Variants in NEK7 observed in about 807,000 individuals in gnomAD.
NEK7 encodes NIMA related kinase 7, also known as serine/threonine-protein kinase Nek7.
In NEK7, 18 loss-of-function variants were observed where a neutral mutation model predicts 44.6. The ratio of observed to expected loss-of-function variants is 0.40; its 90% CI spans 0.28 to 0.60. The LOEUF (loss-of-function observed/expected upper bound fraction) is 0.60. NEK7 is among the 20% of genes least tolerant of loss of function. The pLI is 0.38. For synonymous variants in NEK7, 130 were observed against 121.1 expected (o/e 1.07, Z -0.48); for missense variants, 256 against 366.5 (o/e 0.70, Z 2.46).
chr1:198,197,483 G>A (rs1287791694), intron 1 of NEK7, among the ~76,000 whole-genome samples: 2 of 152,178 alleles, frequency 1.3e-5, no homozygotes, highest in Non-Finnish European at 2.9e-5. Context: ...TAAGTGTACA[G>A]CTCAGCAATT....
At chr1:198,231,336 T>TATATATATAA (rs1445188102) in intron 1 of NEK7, among the ~76,000 whole-genome samples, 4 of 132,850 alleles carry the variant, frequency 3.0e-5, no homozygotes, top group African/African-American at 8.7e-5. Context: ...TATATATATA[T>TATATATATAA]AAAAACACAT....
chr1:198,249,605 A>T (rs1005115869), intron 2 of NEK7, among the ~76,000 whole-genome samples: 15 of 152,044 alleles, frequency 9.9e-5, no homozygotes, highest in Middle Eastern at 3.4e-3. Flanking sequence ...GGTATCTCAT[A>T]GTGGTTTTGA....
intron 5 of NEK7, among the ~76,000 whole-genome samples, chr1:198,264,782 G>T (rs1173590169): frequency 2.0e-5 from 3 of 151,664 alleles, no homozygotes; most frequent in Non-Finnish European, 2.9e-5. Flanking sequence ...AAGTTCAGCT[G>T]CAATTAATAG....
chr1:198,252,605 ATATT>A (rs1290982988), intron 2 of NEK7, among the ~76,000 whole-genome samples: 28 of 134,440 alleles, frequency 2.1e-4, no homozygotes, highest in Non-Finnish European at 1.1e-4. Context: ...GTATGTTTAT[ATATT>A]TATTAAAACA....
chr1:198,159,017 T>C (rs1401594892), intron 1 of NEK7, among the ~76,000 whole-genome samples: 1 of 151,960 alleles, frequency 6.6e-6, no homozygotes, highest in Non-Finnish European at 1.5e-5. Context: ...AGTTGCCTTC[T>C]CGGGGCCGGT....
chr1:198,314,979 C>T (rs931436326), intron 9 of NEK7, among the ~76,000 whole-genome samples: 1 of 152,372 alleles, frequency 6.6e-6, no homozygotes, highest in African/African-American at 2.4e-5. Context: ...TGCTTCCCGG[C>T]TGCTTTGTTT....
At chr1:198,188,407 A>T (rs1664979760) in intron 1 of NEK7, among the ~76,000 whole-genome samples, 1 of 152,156 alleles carries the variant, frequency 6.6e-6, no homozygotes, top group African/African-American at 2.4e-5. Context: ...AGTTCAGTGG[A>T]GAGAAGTGAT....
chr1:198,169,190 T>TAA (rs1390329447), intron 1 of NEK7, among the ~76,000 whole-genome samples: 1 of 152,220 alleles, frequency 6.6e-6, no homozygotes, highest in Admixed American at 6.5e-5. Flanking sequence ...TGCACAGTAG[T>TAA]AACTCCTTCA....
At chr1:198,252,668 TAAAACATATGTATGTTTATG>T (rs1170025647) in intron 2 of NEK7, among the ~76,000 whole-genome samples, 58 of 131,910 alleles carry the variant, frequency 4.4e-4, no homozygotes, top group South Asian at 7.6e-4. Flanking sequence ...GTTTATATAT[TAAAACATATGTATGTTTATG>T]TATTAAAACA....
chr1:198,157,531 C>T (rs576622116), intron 1 of NEK7, among the ~76,000 whole-genome samples: 157 of 152,356 alleles, frequency 1.0e-3, no homozygotes, highest in African/African-American at 3.7e-3. Context: ...CCGAGGCCGC[C>T]AAGGGCGCCG....
intron 1 of NEK7, among the ~76,000 whole-genome samples, chr1:198,197,014 T>A (rs1665257721): frequency 6.6e-6 from 1 of 152,184 alleles, no homozygotes; most frequent in African/African-American, 2.4e-5. Flanking sequence ...CTCTAGCATC[T>A]AACACAAGGC....
intron 1 of NEK7, among the ~76,000 whole-genome samples, chr1:198,182,323 G>A (rs1227540785): frequency 6.6e-6 from 1 of 151,984 alleles, no homozygotes; most frequent in Non-Finnish European, 1.5e-5. Flanking sequence ...TATTAAGTAG[G>A]TCGACCTATT....
At chr1:198,229,934 A>G (rs1354860426) in intron 1 of NEK7, among the ~76,000 whole-genome samples, 1 of 152,102 alleles carries the variant, frequency 6.6e-6, no homozygotes, top group Non-Finnish European at 1.5e-5. Context: ...TAGCAAAACC[A>G]CTTTATTATA....
At chr1:198,298,381 T>C (rs1654774999) in intron 9 of NEK7, among the ~76,000 whole-genome samples, 1 of 152,242 alleles carries the variant, frequency 6.6e-6, no homozygotes, top group Non-Finnish European at 1.5e-5. Context: ...TAGAATATAA[T>C]AGGCACTTTT....
chr1:198,252,528 CTATA>C (rs1162099133), intron 2 of NEK7, among the ~76,000 whole-genome samples: 69 of 32,686 alleles, frequency 2.1e-3, no homozygotes, highest in South Asian at 4.1e-3. Context: ...ATCTCACATA[CTATA>C]TATATATATA....
At chr1:198,298,275 A>C (rs915798138) in intron 9 of NEK7, among the ~76,000 whole-genome samples, 1 of 152,218 alleles carries the variant, frequency 6.6e-6, no homozygotes, top group African/African-American at 2.4e-5. Context: ...CGAATAGCAT[A>C]GGGTCTTAGT....
At chr1:198,228,902 A>G (rs148931818) in intron 1 of NEK7, among the ~76,000 whole-genome samples, 258 of 152,226 alleles carry the variant, frequency 1.7e-3, no homozygotes, top group Non-Finnish European at 2.9e-3. Flanking sequence ...TTCTAACACT[A>G]TGTGGAATAG....
intron 9 of NEK7, among the ~76,000 whole-genome samples, chr1:198,309,782 T>G (rs560223051): frequency 1.2e-4 from 18 of 152,230 alleles, no homozygotes; most frequent in Non-Finnish European, 2.6e-4. Flanking sequence ...TTCATCATTT[T>G]TTATGGCTGC....
At chr1:198,246,207 A>G (rs2102905007) in intron 2 of NEK7, among the ~76,000 whole-genome samples, 1 of 152,304 alleles carries the variant, frequency 6.6e-6, no homozygotes. Flanking sequence ...CTCCTCTTAT[A>G]CAAGCTTATT....
Sources: allele counts gnomAD v4.1 joint callset (sites outside exome capture counted in the v4.1 genomes callset), GRCh38; gene constraint gnomAD v4.1.1; transcripts MANE v1.5; gene names NCBI Gene and HGNC (gene_info 2026-07-23, HGNC 2026-07-21).